The following FANCI variants were observed in gnomAD, a reference collection of about 807,000 sequenced individuals.
FANCI encodes Fanconi anemia group I protein.
A neutral mutation model predicts 176.1 loss-of-function variants in FANCI; 156 were observed. That is an observed-to-expected ratio of 0.89 (90% CI 0.78 to 1.01). The LOEUF (loss-of-function observed/expected upper bound fraction) is 1.01. Among genes scored for constraint, FANCI ranks in the 50% least tolerant of loss-of-function variants. The pLI is 0.00. For synonymous variants in FANCI, 613 were observed against 541.7 expected, an observed-to-expected ratio of 1.13 and a Z score of -1.83; for missense variants, 1,678 against 1,534.1, an observed-to-expected ratio of 1.09 and a Z score of -1.57.
Position 89,314,480 on chromosome 15 carries a change from A to ACAAG in FANCI, c.3721-132_3721-131insCAAG, listed in dbSNP as rs1567180382. The stretch of plus-strand genomic sequence containing the variant: ...CTGCCAAAAATTTTAGATTACTGGT[A>ACAAG]TACAACTGCATTTGATTGGGAGACA... On this transcript the variant is annotated intron_variant, in intron 35 of 37. Coordinates refer to ENST00000310775, the MANE Select transcript of FANCI (RefSeq NM_001113378.2). 10 of 716,356 alleles carry ACAAG rather than the reference A, an allele frequency of 1.4e-5. No homozygotes were observed. The African/African-American group carries it at 1.4e-4, about 10-fold the overall frequency. The allele number at this position is 716,356 out of a possible 1,614,324, so 44.4% of individuals were successfully genotyped here. A position where few individuals can be genotyped will look rare whatever the true frequency, so the allele number is the denominator to read the frequency against.
At chr15:89,265,493 C>T (rs966950298) in intron 9 of FANCI, among the ~76,000 whole-genome samples, 2 of 152,076 alleles carry the variant, frequency 1.3e-5, no homozygotes, top group Non-Finnish European at 2.9e-5. Context: ...AGACATGAGC[C>T]ACTGTGCCTG....
chr15:89,281,149 A>G, intron 14 of FANCI, 21 bp from the exon 15 acceptor site: 1 of 1,611,934 alleles, frequency 6.2e-7, no homozygotes, highest in Non-Finnish European at 8.5e-7. Context: ...GAGACAACTG[A>G]TTATAGATTC....
rs777269384 is a variant in FANCI, at chr15:89,295,002, G to A, written c.2544G>A (p.Gln848=). The part of the protein sequence containing the change: ...FMRYAVNVAL[Q]KVQQLKETGH... ...GCTATGCAGTGAATGTAGCTCTGCA[G>A]AAAGTACAGCAGCTAAAGGAAACAG... Residue 848 remains glutamine, a synonymous_variant, in exon 24 of 38, where the codon CAG becomes CAA. Transcript: ENST00000310775. The A allele has an allele frequency of 1.3e-6, 2 of 1,552,314 alleles. No individual in the cohort carries two copies. The highest frequency in any genetic ancestry group is 1.2e-5 in the South Asian group (1 of 84,060).
intron 12 of FANCI, 21 bp from the exon 13 acceptor site, chr15:89,276,690 C>G: frequency 1.9e-6 from 3 of 1,613,994 alleles, no homozygotes; most frequent in Admixed American, 3.3e-5. Context: ...TCTTTTTTAA[C>G]TAAGCTTTGT....
At position 89,316,790 on chromosome 15, in the gene FANCI, G is replaced by A. The variant is rs1223012908; in HGVS notation, c.*331G>A. The A allele has an allele frequency of 6.2e-7, 1 of 1,613,948 alleles. No individual in the cohort carries two copies. Among genetic ancestry groups the A allele is most frequent in the Admixed American group, 1.7e-5 (1 of 60,022 alleles). ...GGCTTCGTTTTTCCAAGGAGCCTTT[G>A]GTGAGTTCAATTATCTGGTAAATAT... On this transcript the variant is annotated 3_prime_UTR_variant, in exon 38 of 38. Transcript: ENST00000310775.
intron 10 of FANCI, among the ~76,000 whole-genome samples, chr15:89,270,682 T>A (rs2053167485): frequency 2.0e-5 from 3 of 152,230 alleles, no homozygotes; most frequent in Admixed American, 6.5e-5. Context: ...TGAACCTTTT[T>A]AAATTCAATG....
intron 2 of FANCI, among the ~76,000 whole-genome samples, chr15:89,252,876 A>G (rs2151129232): frequency 6.6e-6 from 1 of 152,370 alleles, no homozygotes; most frequent in African/African-American, 2.4e-5. Flanking sequence ...CATCACGAAA[A>G]TGTCAATTCT....
In FANCI at chr15:89,285,160, T is replaced by C; in HGVS notation, c.1763T>C (p.Met588Thr). ...VANETFCLEI[M>T]DSLRRCLSQQ... The stretch of plus-strand genomic sequence containing the variant: ...AATGAAACTTTTTGCCTTGAGATCA[T>C]GGATAGTTTGAGGAGATGCTTAAGC... The change falls in exon 18 of 38, where the codon ATG becomes ACG. Residue 588 changes from methionine to threonine, a missense_variant. Met to Thr is a moderately conservative substitution (Grantham distance 81, BLOSUM62 -1). This residue lies in a region of FANCI where 1,204 missense variants were observed against 1,077.4 expected (regional missense o/e 1.12). Transcript: ENST00000310775. 6.2e-7 allele frequency: 1 copy of C among 1,614,206 alleles called. No individual in the cohort carries two copies. The highest frequency in any genetic ancestry group is 2.2e-5 in the East Asian group (1 of 44,866).
intron 3 of FANCI, 133 bp from the exon 4 acceptor site, chr15:89,260,580 G>C: frequency 8.3e-7 from 1 of 1,198,290 alleles, no homozygotes; most frequent in South Asian, 1.2e-5. Flanking sequence ...AACCATTGCT[G>C]TTCTAAGCAC....
At chr15:89,300,256 T>C in intron 25 of FANCI, 44 bp from the exon 26 acceptor site, 2 of 1,579,826 alleles carry the variant, frequency 1.3e-6, no homozygotes, top group Non-Finnish European at 1.7e-6. Flanking sequence ...CCAAAAAGTA[T>C]GAGTTTATAT....
In FANCI at chr15:89,314,602, T is replaced by C. The variant is rs768377327; in HGVS notation, c.3721-10T>C. ...ACCTGAAATTTAAGTCTTATGTTCT[T>C]TGCCCTTAGGCCAGAGTTCTTCGGG... is the stretch of plus-strand genomic sequence containing the variant. On this transcript the variant is annotated splice_polypyrimidine_tract_variant and intron_variant, in intron 35 of 37. Coordinates refer to ENST00000310775, the MANE Select transcript of FANCI (RefSeq NM_001113378.2). The C allele has an allele frequency of 6.2e-7, 1 of 1,605,872 alleles. No individual in the cohort carries two copies. The highest frequency in any genetic ancestry group is 8.5e-7 in the Non-Finnish European group (1 of 1,172,514).
Position 89,281,246 on chromosome 15 carries a change from CTATT to C in FANCI, c.1460_1463del (p.Tyr487CysfsTer26). The stretch of plus-strand genomic sequence containing the variant: ...CTTCTAAAGTCACAGAAGCTTTTGA[CTATT>C]TGTCCTTTCTGCCCCTTCAGACTGT... On this transcript the variant is annotated frameshift_variant, in exon 15 of 38. Coordinates refer to ENST00000310775, the MANE Select transcript of FANCI (RefSeq NM_001113378.2). LOFTEE classifies it high-confidence loss of function. The C allele has an allele frequency of 6.2e-7, 1 of 1,613,894 alleles. No individual in the cohort carries two copies.
In FANCI at chr15:89,285,110, T is replaced by C. The variant is rs199839517; in HGVS notation, c.1713T>C (p.Val571=). ...SLSVSQVHVD[V]HSHYNSVANE... is the part of the protein sequence containing the mutation. ...CTTCCTTTCAGGTTCATGTGGATGTTCACAGCCATTACAATTCTGTCGCCA... is the reference window on the plus strand; with the variant it reads ...CTTCCTTTCAGGTTCATGTGGATGTCCACAGCCATTACAATTCTGTCGCCA... Residue 571 remains valine, a synonymous_variant, in exon 18 of 38, where the codon GTT becomes GTC. Transcript: ENST00000310775. 3 of 1,614,002 alleles carry C rather than the reference T, an allele frequency of 1.9e-6. No homozygotes were observed. The highest frequency in any genetic ancestry group is 1.7e-5 in the Admixed American group (1 of 60,002).
intron 10 of FANCI, among the ~76,000 whole-genome samples, chr15:89,270,083 T>C (rs1028571886): frequency 6.6e-6 from 1 of 152,166 alleles, no homozygotes; most frequent in African/African-American, 2.4e-5. Flanking sequence ...AGTGCTGAGA[T>C]TACAGGCGTG....
intron 1 of FANCI, among the ~76,000 whole-genome samples, chr15:89,246,320 T>C (rs980658517): frequency 2.0e-5 from 3 of 152,374 alleles, no homozygotes; most frequent in South Asian, 4.1e-4. Context: ...TAGCATTTGC[T>C]GTTTCTTCTT....
In FANCI at chr15:89,316,863, C is replaced by G. The variant is rs1352806686; in HGVS notation, c.*404C>G. On this transcript the variant is annotated 3_prime_UTR_variant, in exon 38 of 38. Coordinates refer to ENST00000310775, the MANE Select transcript of FANCI (RefSeq NM_001113378.2). ...GTGCAAATTGGTTAGGATGCCACCT[C>G]AAGAACTGTAACTGAGAGCTCAGAA... The G allele has an allele frequency of 5.5e-6, 8 of 1,458,130 alleles. No individual in the cohort carries two copies. The South Asian group carries it at 9.1e-5, about 17-fold the overall frequency. 90.3% of individuals were successfully genotyped at this position (1,458,130 alleles called of 1,614,324 possible).
At chr15:89,268,634 C>A in intron 10 of FANCI, 109 bp downstream of exon 10, 2 of 1,395,646 alleles carry the variant, frequency 1.4e-6, no homozygotes, top group South Asian at 1.2e-5. Flanking sequence ...TAAAATGACC[C>A]TGGGTGTGGA....
intron 22 of FANCI, among the ~76,000 whole-genome samples, chr15:89,293,563 C>T (rs1453204589): frequency 2.0e-5 from 3 of 152,140 alleles, no homozygotes. Flanking sequence ...TGCCTGGGAC[C>T]TGTAGTCCTA....
intron 18 of FANCI, among the ~76,000 whole-genome samples, chr15:89,287,620 C>T (rs536573538): frequency 6.6e-6 from 1 of 152,208 alleles, no homozygotes; most frequent in Non-Finnish European, 1.5e-5. Flanking sequence ...CTTGCCTCAG[C>T]TTGTAACATG....
Sources: allele counts gnomAD v4.1 joint callset (sites outside exome capture counted in the v4.1 genomes callset), GRCh38; gene constraint gnomAD v4.1.1; regional missense constraint gnomAD v4.1.1; transcripts MANE v1.5; gene names NCBI Gene and HGNC (gene_info 2026-07-23, HGNC 2026-07-21).